THAP4: variants seen among roughly 807,000 people sequenced by gnomAD.
THAP4 encodes the protein THAP domain containing 4.
In THAP4, 18 loss-of-function variants were observed where a neutral mutation model predicts 48.1. That is an observed-to-expected ratio of 0.37 (90% CI 0.26 to 0.56). The LOEUF (loss-of-function observed/expected upper bound fraction) is 0.56, where lower values mean the gene tolerates loss of function less well. Ranked by LOEUF, THAP4 falls within the 20% of genes least tolerant of loss-of-function variation. The pLI, the probability that THAP4 is intolerant of heterozygous loss-of-function variation, is 0.78. For synonymous variants in THAP4, 345 were observed against 324.9 expected (o/e 1.06, Z -0.66); for missense variants, 656 against 774.9 (o/e 0.85, Z 1.82).
chr2:241,635,536 C>T (rs1033613118), intron 1 of THAP4, among the ~76,000 whole-genome samples: 11 of 152,164 alleles, frequency 7.2e-5, no homozygotes, highest in Admixed American at 6.5e-5. Context: ...GGGTGGATCA[C>T]TTGAGGTCAG....
In THAP4 at chr2:241,594,721, G is replaced by A. The variant is rs111791374; in HGVS notation, c.1614+7175C>T. On this transcript the variant is annotated intron_variant, in intron 5 of 5. Transcript: ENST00000407315. ...TGCAGCGAGCCAAGATCTTGCTACT[G>A]TATTCCAGCCTAGGTGATGGAATGA... The A allele has an allele frequency of 8.5e-3, 1,504 of 177,384 alleles. 21 individuals carry two copies. The highest frequency in any genetic ancestry group is 0.033 in the African/African-American group (1,374 of 41,958). The allele number at this position is 177,384 out of a possible 1,614,324, so 11.0% of individuals were successfully genotyped here.
chr2:241,637,054 C>T lies in THAP4; in HGVS notation c.-37G>A, dbSNP rs752077210. ...GCCCAGCCGCGCAGCCAGGCCCCGG[C>T]CCTAGCCGCCCGCCCGCCCGCGGAC... On this transcript the variant is annotated 5_prime_UTR_variant, in exon 1 of 6. Coordinates refer to ENST00000407315, the MANE Select transcript of THAP4 (RefSeq NM_015963.6). The T allele has an allele frequency of 4.4e-6, 5 of 1,143,120 alleles. No homozygotes were observed. In the South Asian group the frequency reaches 8.6e-5, roughly 20 times the overall value. 70.8% of individuals were successfully genotyped at this position (1,143,120 alleles called of 1,614,324 possible). A position where few individuals can be genotyped will look rare whatever the true frequency, so the allele number is the denominator to read the frequency against.
In THAP4 at chr2:241,637,085, CGAGG is replaced by C. The variant is rs2067682438; in HGVS notation, c.-72_-69del. 9.6e-7 allele frequency: 1 copy of C among 1,041,182 alleles called. No individual in the cohort carries two copies. The highest frequency in any genetic ancestry group is 1.2e-6 in the Non-Finnish European group (1 of 868,282). 64.5% of individuals were successfully genotyped at this position (1,041,182 alleles called of 1,614,324 possible). On this transcript the variant is annotated 5_prime_UTR_variant, in exon 1 of 6. Transcript: ENST00000407315. ...CCGCCCGCCCGCCCGCGGACCGCCC[CGAGG>C]GAGGGAGCGCGGCGGCGACACGGCT... is the stretch of plus-strand genomic sequence containing the variant.
chr2:241,590,140 C>T (rs1192057959), intron 5 of THAP4, among the ~76,000 whole-genome samples: 9 of 145,262 alleles, frequency 6.2e-5, no homozygotes, highest in Admixed American at 1.4e-4. Context: ...CAGAGCTGCT[C>T]GGCTGATGAT....
At chr2:241,590,385 G>T (rs71351110) in intron 5 of THAP4, among the ~76,000 whole-genome samples, 237 of 86,818 alleles carry the variant, frequency 2.7e-3, no homozygotes, top group African/African-American at 8.4e-3. Context: ...CTGATGATGA[G>T]GGGCACTAGG....
chr2:241,633,443 G>A lies in THAP4; in HGVS notation c.714C>T (p.Tyr238=), dbSNP rs1196857594. 1.9e-6 allele frequency: 3 copies of A among 1,613,860 alleles called. No homozygotes were observed. In the East Asian group the frequency reaches 6.7e-5, roughly 36 times the overall value. The change falls in exon 2 of 6, where the codon TAC becomes TAT. Residue 238 remains tyrosine (Y), a synonymous_variant. Coordinates refer to ENST00000407315, the MANE Select transcript of THAP4 (RefSeq NM_015963.6). The surrounding 1 kb of genome is among the most constrained non-coding windows in gnomAD (Gnocchi z 7.5). ...ACKFIGSLHS[Y]SFSSKHTRER... ...CTCGGGTGTGCTTAGAGGAGAAACT[G>A]TACGAATGAAGTGAGCCGATAAATT...
chr2:241,606,528 A>G (rs2067186464), intron 2 of THAP4, 55 bp from the exon 3 acceptor site: 1 of 1,485,966 alleles, frequency 6.7e-7, no homozygotes, highest in Non-Finnish European at 9.1e-7. Flanking sequence ...TGCCTTGCTG[A>G]GCTTTAAGCA....
rs149241877 is a variant in THAP4, at chr2:241,629,936, G to A, written c.1240+2981C>T. On this transcript the variant is annotated intron_variant, in intron 2 of 5. Transcript: ENST00000407315. ...ACAAGTAAGCAAGTGCCCAGCTTCA[G>A]GCGGGAACAATATAACCAAGGAGTG... Among the ~76,000 whole-genome samples the A allele has an allele frequency of 5.6e-3, 856 of 152,166 alleles. 4 individuals are homozygous for A. The highest frequency in any genetic ancestry group is 8.8e-3 in the Non-Finnish European group (598 of 68,026).
At position 241,604,010 on chromosome 2, in the gene THAP4, C is replaced by CA. The variant is rs879339295; in HGVS notation, c.1401-932dup. On this transcript the variant is annotated intron_variant, in intron 3 of 5. Coordinates refer to ENST00000407315, the MANE Select transcript of THAP4 (RefSeq NM_015963.6). ...AAAAATAAAAACAAAAAAACCAAAC[C>CA]AAAAAAAAAAAAGCCTCATTTATCA... Among the ~76,000 whole-genome samples, 498 of 130,956 alleles carry CA rather than the reference C, an allele frequency of 3.8e-3. 2 individuals carry two copies. Among genetic ancestry groups the CA allele is most frequent in the Middle Eastern group, 0.011 (3 of 270 alleles). 85.9% of individuals were successfully genotyped at this position (130,956 alleles called of 152,430 possible). A position where few individuals can be genotyped will look rare whatever the true frequency, so the allele number is the denominator to read the frequency against.
intron 5 of THAP4, among the ~76,000 whole-genome samples, chr2:241,588,609 C>G (rs922123854): frequency 2.0e-5 from 3 of 152,094 alleles, no homozygotes; most frequent in Admixed American, 6.6e-5. Context: ...AAGAGAGAGT[C>G]CTGGGGAAGA....
intron 5 of THAP4, among the ~76,000 whole-genome samples, chr2:241,590,844 C>G (rs62192986): frequency 5.3e-5 from 2 of 37,972 alleles, no homozygotes; most frequent in Non-Finnish European, 1.1e-4. Flanking sequence ...GCCCGGCTGA[C>G]GATAATGGGC....
chr2:241,606,479 G>T lies in THAP4; in HGVS notation c.1241-6C>A, dbSNP rs2067186062. On this transcript the variant is annotated splice_polypyrimidine_tract_variant and splice_region_variant and intron_variant, in intron 2 of 5. Transcript: ENST00000407315. ...TGGGTTCATCTTGGGGGGCTCTGAG[G>T]ACAAAAGAATGAGACTATCAGTGGC... 6.3e-7 allele frequency: 1 copy of T among 1,595,674 alleles called. No individual in the cohort carries two copies. Among genetic ancestry groups the T allele is most frequent in the African/African-American group, 1.3e-5 (1 of 74,552 alleles).
At chr2:241,624,590 C>A (rs1322088142) in intron 2 of THAP4, among the ~76,000 whole-genome samples, 1 of 152,116 alleles carries the variant, frequency 6.6e-6, no homozygotes, top group Admixed American at 6.5e-5. Flanking sequence ...TTGGGGTGCA[C>A]CATCACCTCA....
At position 241,633,211 on chromosome 2, in the gene THAP4, C is replaced by T. The variant is rs775549522; in HGVS notation, c.946G>A (p.Val316Met). Reference protein sequence around the residue: ...DVTPKPATEAVQSEHSDASPM... With the variant: ...DVTPKPATEAMQSEHSDASPM... Reference sequence around the variant, plus strand: ...CTGGCGTCGCTGTGCTCGCTCTGCACGGCTTCCGTGGCTGGCTTTGGGGTG... The same window carrying T: ...CTGGCGTCGCTGTGCTCGCTCTGCATGGCTTCCGTGGCTGGCTTTGGGGTG... Residue 316 changes from valine to methionine, a missense_variant, in exon 2 of 6, where the codon GTG becomes ATG. Physicochemically the swap from Val to Met is conservative, Grantham distance 21. This residue lies in a region of THAP4 where 391 missense variants were observed against 412.4 expected (regional missense o/e 0.95). Transcript: ENST00000407315. The surrounding 1 kb of genome is among the most constrained non-coding windows in gnomAD (Gnocchi z 7.5). The T allele has an allele frequency of 9.3e-6, 15 of 1,609,236 alleles. No individual in the cohort carries two copies. Among genetic ancestry groups the T allele is most frequent in the Admixed American group, 3.4e-5 (2 of 59,632 alleles).
intron 2 of THAP4, among the ~76,000 whole-genome samples, chr2:241,624,880 T>C (rs2067478287): frequency 6.6e-6 from 1 of 152,094 alleles, no homozygotes; most frequent in Middle Eastern, 3.2e-3. Context: ...AGACCGACTA[T>C]GAGAACGGAA....
At chr2:241,595,896 T>G (rs747524772) in intron 5 of THAP4, among the ~76,000 whole-genome samples, 4 of 152,186 alleles carry the variant, frequency 2.6e-5, no homozygotes, top group Non-Finnish European at 4.4e-5. Flanking sequence ...GCACTGAGGT[T>G]CTGAAGGGCT....
intron 5 of THAP4, among the ~76,000 whole-genome samples, chr2:241,587,366 C>T (rs1450722369): frequency 1.3e-5 from 2 of 152,312 alleles, no homozygotes; most frequent in South Asian, 2.1e-4. Flanking sequence ...CAGATGTCAC[C>T]AGCACCTCCT....
intron 2 of THAP4, among the ~76,000 whole-genome samples, chr2:241,628,327 A>C (rs1575038504): frequency 7.0e-6 from 1 of 142,314 alleles, no homozygotes. Flanking sequence ...TCTGCCCTCC[A>C]CCCCCACACT....
intron 5 of THAP4, among the ~76,000 whole-genome samples, chr2:241,590,045 G>C (rs1425143666): frequency 6.9e-6 from 1 of 145,660 alleles, no homozygotes; most frequent in Admixed American, 6.8e-5. Context: ...ACGGGCACTA[G>C]GACACGCAGA....
Sources: allele counts gnomAD v4.1 joint callset (sites outside exome capture counted in the v4.1 genomes callset), GRCh38; gene constraint gnomAD v4.1.1; regional missense constraint gnomAD v4.1.1; non-coding constraint Gnocchi (gnomAD v3.1); transcripts MANE v1.5; gene names NCBI Gene and HGNC (gene_info 2026-07-23, HGNC 2026-07-21).